The following PNPLA1 variants were observed in gnomAD, a reference collection of about 807,000 sequenced individuals.
PNPLA1 encodes the protein omega-hydroxyceramide transacylase.
PNPLA1 carries 36 observed loss-of-function variants against 51.7 expected under a neutral mutation model. The ratio of observed to expected loss-of-function variants is 0.70; its 90% CI spans 0.53 to 0.92. The LOEUF (loss-of-function observed/expected upper bound fraction) is 0.92, where lower values mean the gene tolerates loss of function less well. Among genes scored for constraint, PNPLA1 ranks in the 40% least tolerant of loss-of-function variants. The pLI, the probability that PNPLA1 is intolerant of heterozygous loss-of-function variation, is 0.00. For missense variants in PNPLA1, 658 were observed against 682.5 expected (o/e 0.96, Z 0.40); for synonymous variants, 293 against 280.1 (o/e 1.05, Z -0.46).
intron 1 of PNPLA1, among the ~76,000 whole-genome samples, chr6:36,260,733 G>A (rs1769629948): frequency 6.6e-6 from 1 of 152,152 alleles, no homozygotes; most frequent in African/African-American, 2.4e-5. Flanking sequence ...TCATACAGAT[G>A]AATCCACATC....
chr6:36,300,620 C>T (rs1189370820), intron 5 of PNPLA1, among the ~76,000 whole-genome samples: 2 of 152,142 alleles, frequency 1.3e-5, no homozygotes, highest in South Asian at 2.1e-4. Flanking sequence ...AGGTAAGGTG[C>T]TATTCACATC....
chr6:36,289,176 G>A (rs998227009), intron 1 of PNPLA1, among the ~76,000 whole-genome samples: 2 of 152,196 alleles, frequency 1.3e-5, no homozygotes, highest in African/African-American at 4.8e-5. Flanking sequence ...AAGCATGTCT[G>A]ATTTTTGTAA....
At chr6:36,278,371 T>C (rs1364378172) in intron 1 of PNPLA1, among the ~76,000 whole-genome samples, 1 of 152,230 alleles carries the variant, frequency 6.6e-6, no homozygotes, top group Admixed American at 6.5e-5. Flanking sequence ...CCCTGGCTCT[T>C]GGATAATTTT....
intron 6 of PNPLA1, among the ~76,000 whole-genome samples, chr6:36,305,728 A>G (rs1771208750): frequency 6.9e-6 from 1 of 145,034 alleles, no homozygotes; most frequent in African/African-American, 2.6e-5. Context: ...TCTGCGAGGG[A>G]GCTATTTCTT....
intron 1 of PNPLA1, among the ~76,000 whole-genome samples, chr6:36,286,644 A>G (rs1452242231): frequency 6.6e-6 from 1 of 152,152 alleles, no homozygotes; most frequent in Non-Finnish European, 1.5e-5. Context: ...ATAGCTTCCA[A>G]GTGCCGTTCA....
chr6:36,248,888 G>A (rs1769362354), intron 1 of PNPLA1, among the ~76,000 whole-genome samples: 1 of 152,148 alleles, frequency 6.6e-6, no homozygotes, highest in South Asian at 2.1e-4. Context: ...TTCATCTTCT[G>A]AAAAAGGGGG....
chr6:36,245,231 C>T (rs187887688), intron 1 of PNPLA1, among the ~76,000 whole-genome samples: 2 of 152,296 alleles, frequency 1.3e-5, no homozygotes, highest in Non-Finnish European at 2.9e-5. Context: ...GAGTTCAGTC[C>T]TCGGCTCCCA....
At chr6:36,267,116 G>A (rs955621418), upstream of PNPLA1, among the ~76,000 whole-genome samples, 4 of 152,232 alleles carry the variant, frequency 2.6e-5, no homozygotes, top group African/African-American at 9.6e-5. Flanking sequence ...GGATGGATGA[G>A]TCAGACAAGC....
intron 1 of PNPLA1, among the ~76,000 whole-genome samples, chr6:36,251,207 T>G (rs1769415961): frequency 6.6e-6 from 1 of 152,212 alleles, no homozygotes; most frequent in Non-Finnish European, 1.5e-5. Flanking sequence ...ATTCATTGCA[T>G]TAGTCAGCTT....
upstream of PNPLA1, among the ~76,000 whole-genome samples, chr6:36,265,994 T>G (rs936379428): frequency 2.0e-5 from 3 of 152,198 alleles, no homozygotes; most frequent in Non-Finnish European, 2.9e-5. Flanking sequence ...CCTTCCCTCA[T>G]TCTCTCTCTC....
At chr6:36,286,386 G>A (rs1004633) in intron 1 of PNPLA1, among the ~76,000 whole-genome samples, 86,484 of 151,816 alleles carry the variant, frequency 0.57, 24,766 homozygotes, top group East Asian at 0.61. Context: ...GGGAGGCTGA[G>A]ATGGGAGGAT....
chr6:36,280,552 G>A (rs1360144063), intron 1 of PNPLA1, among the ~76,000 whole-genome samples: 1 of 152,136 alleles, frequency 6.6e-6, no homozygotes, highest in Admixed American at 6.5e-5. Flanking sequence ...CCTTGTAATA[G>A]CCCAGCAGCC....
At chr6:36,288,772 T>A (rs1056222343) in intron 1 of PNPLA1, among the ~76,000 whole-genome samples, 2 of 151,416 alleles carry the variant, frequency 1.3e-5, no homozygotes, top group African/African-American at 4.9e-5. Flanking sequence ...ACCCTATTTT[T>A]AAAAAAATAA....
intron 2 of PNPLA1, among the ~76,000 whole-genome samples, chr6:36,292,001 G>A (rs1770701315): frequency 6.6e-6 from 1 of 152,208 alleles, no homozygotes. Flanking sequence ...GGATTGAATG[G>A]TTACCAAATC....
intron 1 of PNPLA1, among the ~76,000 whole-genome samples, chr6:36,281,825 G>A (rs1450245027): frequency 1.3e-5 from 2 of 151,924 alleles, no homozygotes; most frequent in East Asian, 3.9e-4. Flanking sequence ...TTTGAGACTA[G>A]CCTGGCCAAC....
intron 1 of PNPLA1, among the ~76,000 whole-genome samples, chr6:36,263,242 A>G (rs968603205): frequency 1.4e-4 from 21 of 152,238 alleles, no homozygotes; most frequent in African/African-American, 4.6e-4. Flanking sequence ...AATGTTGACT[A>G]AAAAACTGCA....
At chr6:36,290,888 A>C (rs531673517) in intron 1 of PNPLA1, among the ~76,000 whole-genome samples, 3 of 152,328 alleles carry the variant, frequency 2.0e-5, no homozygotes, top group African/African-American at 7.2e-5. Context: ...CTTAGGAACA[A>C]CTTCCAACTG....
intron 1 of PNPLA1, among the ~76,000 whole-genome samples, chr6:36,282,092 G>GAAAGAAAGAAAGAAAGAAA (rs59914317): frequency 0.016 from 630 of 40,352 alleles, 9 homozygotes; most frequent in East Asian, 0.031. Flanking sequence ...AAAGAAAGAA[G>GAAAGAAAGAAAGAAAGAAA]GAAGGAAGGA....
At position 36,270,125 on chromosome 6, in the gene PNPLA1, A is replaced by G. The variant is rs1426001214; in HGVS notation, c.-335A>G. 6.6e-6 allele frequency among the ~76,000 whole-genome samples: 1 copy of G among 152,252 alleles called. No individual in the cohort carries two copies. The highest frequency in any genetic ancestry group is 1.9e-4 in the East Asian group (1 of 5,198). ...TATACCATGGATGGGCAGAGGGCTGAGGATCCCGTGCCCGAGATGAATCTA... is the reference window on the plus strand; with the variant it reads ...TATACCATGGATGGGCAGAGGGCTGGGGATCCCGTGCCCGAGATGAATCTA... On this transcript the variant is annotated 5_prime_UTR_variant, in exon 1 of 9. Coordinates refer to ENST00000636260, the MANE Select transcript of PNPLA1 (RefSeq NM_001374623.1).
Sources: allele counts gnomAD v4.1 joint callset (sites outside exome capture counted in the v4.1 genomes callset), GRCh38; gene constraint gnomAD v4.1.1; transcripts MANE v1.5; gene names NCBI Gene and HGNC (gene_info 2026-07-23, HGNC 2026-07-21).